The following NF1 variants were observed in gnomAD, a reference collection of about 807,000 sequenced individuals.
NF1 encodes the protein neurofibromin 1.
Under a neutral mutation model 325.7 loss-of-function variants are expected in NF1, and 122 were observed. The ratio of observed to expected loss-of-function variants is 0.37; its 90% CI spans 0.32 to 0.44. The LOEUF (loss-of-function observed/expected upper bound fraction) is 0.44, where lower values mean the gene tolerates loss of function less well. Ranked by LOEUF, NF1 falls within the 20% of genes least tolerant of loss-of-function variation. The pLI, the probability that NF1 is intolerant of heterozygous loss-of-function variation, is 1.00. For synonymous variants in NF1, 1,091 were observed against 1,186.0 expected (o/e 0.92, Z 1.65); for missense variants, 2,140 against 3,415.4 (o/e 0.63, Z 9.31).
In NF1 at chr17:31,163,300, C is replaced by G. The variant is rs775191883; in HGVS notation, c.403C>G (p.Arg135Gly). 6.2e-7 allele frequency: 1 copy of G among 1,614,112 alleles called. No homozygotes were observed. Among genetic ancestry groups the G allele is most frequent in the Non-Finnish European group, 8.5e-7 (1 of 1,180,018 alleles). Residue 135 changes from arginine to glycine, a missense_variant, in exon 4 of 58, where the codon CGG becomes GGG. Around this residue, in one of 10 missense-constraint regions of NF1, gnomAD observed 246 missense variants for 347.8 expected, o/e 0.71. Transcript: ENST00000358273. ...AGGAAACCAGCATGCAGCTGAACTT[C>G]GGAATTCTGCCTCTGGGGTTTTATT... The part of the protein sequence containing the change: ...REGNQHAAEL[R>G]NSASGVLFSL...
chr17:31,255,549 A>G (rs1214764722), intron 31 of NF1, among the ~76,000 whole-genome samples: 1 of 152,170 alleles, frequency 6.6e-6, no homozygotes, highest in Non-Finnish European at 1.5e-5. Context: ...TATTTATATG[A>G]TACATGAGAC....
In NF1 at chr17:31,242,379, A is replaced by G. The variant is rs373762821; in HGVS notation, c.3974+6358A>G. On this transcript the variant is annotated intron_variant, in intron 29 of 57. Transcript: ENST00000358273. ...CGCCCAGGCTGCAGTGCAATGGTGC[A>G]ACCTCTGCTCACTGCACCCTCCGCC... 3.9e-5 allele frequency among the ~76,000 whole-genome samples: 5 copies of G among 127,256 alleles called. No homozygotes were observed. The East Asian group carries it at 1.2e-3, about 32-fold the overall frequency. The allele number at this position is 127,256 out of a possible 152,430, so 83.5% of individuals were successfully genotyped here. A position where few individuals can be genotyped will look rare whatever the true frequency, so the allele number is the denominator to read the frequency against.
intron 1 of NF1, among the ~76,000 whole-genome samples, chr17:31,101,452 C>G (rs77370186): frequency 6.6e-6 from 1 of 152,042 alleles, no homozygotes; most frequent in African/African-American, 2.4e-5. Flanking sequence ...TTTAAATATT[C>G]GATGATTTTA....
intron 31 of NF1, among the ~76,000 whole-genome samples, chr17:31,255,233 G>T (rs2067562791): frequency 6.6e-6 from 1 of 152,138 alleles, no homozygotes; most frequent in Non-Finnish European, 1.5e-5. Flanking sequence ...TATGTAGTCA[G>T]CTTTTACCAA....
intron 11 of NF1, among the ~76,000 whole-genome samples, chr17:31,204,289 TG>T (rs1209946733): frequency 2.0e-5 from 3 of 152,160 alleles, no homozygotes; most frequent in Admixed American, 2.0e-4. Flanking sequence ...ATGAGATGAT[TG>T]CTTTCTACTG....
chr17:31,331,900 CTATTA>C, intron 39 of NF1: 1 of 58,040 alleles, frequency 1.7e-5, no homozygotes, highest in Admixed American at 2.8e-4. Flanking sequence ...AGACCCTTCT[CTATTA>C]AAAAAAAAAA....
intron 36 of NF1, chr17:31,294,925 C>T (rs897267775): frequency 7.0e-6 from 11 of 1,562,588 alleles, no homozygotes; most frequent in African/African-American, 6.8e-5. Context: ...AAATATAGCT[C>T]GAATCACTGG....
chr17:31,359,525 TC>T, intron 56 of NF1: 1 of 168,162 alleles, frequency 5.9e-6, no homozygotes, highest in Non-Finnish European at 1.3e-5. Flanking sequence ...AGTGGCGCAA[TC>T]TTGGCTCACT....
At chr17:31,318,162 C>G (rs141030555) in intron 36 of NF1, 9 of 997,742 alleles carry the variant, frequency 9.0e-6, no homozygotes, top group Non-Finnish European at 1.3e-5. Context: ...ATACTTCTCC[C>G]TGTCTCACCT....
chr17:31,187,729 TC>T (rs2066267860), intron 8 of NF1, among the ~76,000 whole-genome samples: 1 of 152,148 alleles, frequency 6.6e-6, no homozygotes, highest in Non-Finnish European at 1.5e-5. Context: ...CCCCTAGTGA[TC>T]CACTAGAAAA....
intron 12 of NF1, among the ~76,000 whole-genome samples, chr17:31,211,352 A>T (rs2066725683): frequency 1.3e-5 from 2 of 152,238 alleles, no homozygotes; most frequent in Admixed American, 1.3e-4. Context: ...GGTATTTGAG[A>T]TGAATTAAAT....
chr17:31,330,733 T>G (rs2069460471), intron 39 of NF1: 1 of 546,238 alleles, frequency 1.8e-6, no homozygotes. Flanking sequence ...GGCAAGAGTT[T>G]GGTACTTTAC....
Position 31,179,136 on chromosome 17 carries a change from C to T in NF1, c.587-2286C>T, listed in dbSNP as rs139475096. Among the ~76,000 whole-genome samples the T allele has an allele frequency of 4.6e-3, 693 of 152,202 alleles. 6 individuals carry two copies. Among genetic ancestry groups the T allele is most frequent in the African/African-American group, 0.016 (662 of 41,540 alleles). The stretch of plus-strand genomic sequence containing the variant: ...GGAATACAACACTCCTCAGCAAATG[C>T]CAAAGAATGGAAATCATAACAAAGA... On this transcript the variant is annotated intron_variant, in intron 5 of 57. Coordinates refer to ENST00000358273, the MANE Select transcript of NF1 (RefSeq NM_001042492.3).
Position 31,163,088 on chromosome 17 carries a change from A to G in NF1, c.289-98A>G, listed in dbSNP as rs144624699. On this transcript the variant is annotated intron_variant, in intron 3 of 57. Coordinates refer to ENST00000358273, the MANE Select transcript of NF1 (RefSeq NM_001042492.3). ...TAGGTGGTGTGTATGTAAGGTGTTC[A>G]TTATTTTTGTTCTGTGTGTGTGTTT... 77 of 1,132,350 alleles carry G rather than the reference A, an allele frequency of 6.8e-5. 1 individual carries two copies. In the African/African-American group the frequency reaches 1.1e-3, roughly 16 times the overall value. 70.1% of individuals were successfully genotyped at this position (1,132,350 alleles called of 1,614,324 possible).
intron 27 of NF1, among the ~76,000 whole-genome samples, chr17:31,235,151 G>A (rs2067178550): frequency 1.3e-5 from 2 of 151,960 alleles, no homozygotes; most frequent in South Asian, 4.2e-4. Flanking sequence ...TTTTTGTTGT[G>A]TCTCTGCCTA....
chr17:31,231,127 G>C (rs1301510436), intron 24 of NF1, among the ~76,000 whole-genome samples: 1 of 152,092 alleles, frequency 6.6e-6, no homozygotes, highest in African/African-American at 2.4e-5. Context: ...ATGTGAAAGA[G>C]TGATATGTTT....
intron 51 of NF1, among the ~76,000 whole-genome samples, chr17:31,355,363 TG>T (rs1435763922): frequency 6.6e-6 from 1 of 152,214 alleles, no homozygotes; most frequent in Non-Finnish European, 1.5e-5. Flanking sequence ...TAACTGCTCA[TG>T]GCTTCATCAG....
At chr17:31,193,594 A>G (rs1460864966) in intron 8 of NF1, among the ~76,000 whole-genome samples, 1 of 152,218 alleles carries the variant, frequency 6.6e-6, no homozygotes, top group Non-Finnish European at 1.5e-5. Flanking sequence ...GGATGGGAGA[A>G]AATATTTGCA....
At chr17:31,252,454 AT>A (rs2067510975) in intron 30 of NF1, 1 of 197,078 alleles carries the variant, frequency 5.1e-6, no homozygotes, top group African/African-American at 2.3e-5. Flanking sequence ...TTATTTCTTT[AT>A]TCAGTAGGAT....
Sources: allele counts gnomAD v4.1 joint callset (sites outside exome capture counted in the v4.1 genomes callset), GRCh38; gene constraint gnomAD v4.1.1; regional missense constraint gnomAD v4.1.1; transcripts MANE v1.5; gene names NCBI Gene and HGNC (gene_info 2026-07-23, HGNC 2026-07-21).